The following SRSF4 variants were observed in gnomAD, a reference collection of about 807,000 sequenced individuals.
The protein encoded by SRSF4 is serine and arginine rich splicing factor 4.
SRSF4 carries 12 observed loss-of-function variants against 48.8 expected under a neutral mutation model. The ratio of observed to expected loss-of-function variants is 0.25; its 90% CI spans 0.16 to 0.40. SRSF4 has a LOEUF of 0.40. SRSF4 is among the 10% of genes least tolerant of loss of function. The pLI is 1.00. For missense variants in SRSF4, 466 were observed against 667.1 expected (o/e 0.70, Z 3.32); for synonymous variants, 248 against 232.5 (o/e 1.07, Z -0.61).
intron 1 of SRSF4, among the ~76,000 whole-genome samples, chr1:29,179,854 A>G (rs982766816): frequency 3.3e-5 from 5 of 152,164 alleles, no homozygotes; most frequent in African/African-American, 9.7e-5. Context: ...CCCCCAATTC[A>G]TTTAGCACAG....
intron 1 of SRSF4, chr1:29,171,123 C>A (rs949514830): frequency 6.6e-6 from 1 of 152,142 alleles, no homozygotes; most frequent in African/African-American, 2.4e-5. Context: ...TGTACAAATC[C>A]TTCCTCAGCC....
chr1:29,162,021 A>G (rs773969498), intron 1 of SRSF4, among the ~76,000 whole-genome samples: 4 of 152,250 alleles, frequency 2.6e-5, no homozygotes, highest in Admixed American at 6.5e-5. Flanking sequence ...ACAATGTGCT[A>G]GGTTACAATG....
In SRSF4 at chr1:29,148,479, G is replaced by C; in HGVS notation, c.1416C>G (p.Ser472=). 1 of 1,613,942 alleles carries C rather than the reference G, an allele frequency of 6.2e-7. No homozygotes were observed. Among genetic ancestry groups the C allele is most frequent in the Non-Finnish European group, 8.5e-7 (1 of 1,179,916 alleles). ...SKSASKTRSR[S]KSRSRSASRS... is the part of the protein sequence containing the mutation. ...TGGAAGCAGACCTGGATCTAGACTT[G>C]GACCGAGATCGGGTTTTTGAAGCTG... The change falls in exon 6 of 6, where the codon TCC becomes TCG. Residue 472 remains serine, a synonymous_variant. Coordinates refer to ENST00000373795, the MANE Select transcript of SRSF4 (RefSeq NM_005626.5).
chr1:29,149,197 C>CGGCTCT lies in SRSF4; in HGVS notation c.692_697dup (p.Ser232_Arg233insGlnSer). 1 of 1,609,706 alleles carries CGGCTCT rather than the reference C, an allele frequency of 6.2e-7. No individual in the cohort carries two copies. The highest frequency in any genetic ancestry group is 8.5e-7 in the Non-Finnish European group (1 of 1,179,878). On this transcript the variant is annotated inframe_insertion, in exon 6 of 6. Coordinates refer to ENST00000373795, the MANE Select transcript of SRSF4 (RefSeq NM_005626.5). The stretch of plus-strand genomic sequence containing the variant: ...CCGGCTCCGACTCTGGCTCCGGCTC[C>CGGCTCT]GGCTCTTGCTCCGGGAGCGGGAGCC...
intron 1 of SRSF4, among the ~76,000 whole-genome samples, chr1:29,168,170 A>G (rs960291769): frequency 1.3e-5 from 2 of 150,384 alleles, no homozygotes; most frequent in Non-Finnish European, 3.0e-5. Flanking sequence ...GTGCACCACC[A>G]TGCCCGGCAA....
At chr1:29,154,417 G>C in intron 4 of SRSF4, 1 of 383,554 alleles carries the variant, frequency 2.6e-6, no homozygotes, top group Non-Finnish European at 4.7e-6. Flanking sequence ...GGCTGGTCTT[G>C]AACTCCTGAC....
chr1:29,174,973 G>A (rs995249845), intron 1 of SRSF4, among the ~76,000 whole-genome samples: 2 of 147,054 alleles, frequency 1.4e-5, no homozygotes, highest in East Asian at 4.1e-4. Flanking sequence ...CAACTGGCCG[G>A]TGGGTTTTTT....
At chr1:29,151,983 T>C (rs1308325845) in intron 4 of SRSF4, among the ~76,000 whole-genome samples, 3 of 152,106 alleles carry the variant, frequency 2.0e-5, no homozygotes, top group Non-Finnish European at 4.4e-5. Context: ...AAATACCTAT[T>C]TGAGACAACT....
chr1:29,160,978 CTT>C (rs963837891), intron 1 of SRSF4, among the ~76,000 whole-genome samples: 1 of 152,016 alleles, frequency 6.6e-6, no homozygotes, highest in Non-Finnish European at 1.5e-5. Flanking sequence ...AAGTAAAAAA[CTT>C]TTTTTTAAGG....
Position 29,181,829 on chromosome 1 carries a change from C to G in SRSF4, c.-77G>C. The stretch of plus-strand genomic sequence containing the variant: ...GGCGGGCAAAGCGAGAGCACGGCGG[C>G]AGCGGCGGCGGCGGCAACGGGCGGG... On this transcript the variant is annotated 5_prime_UTR_variant, in exon 1 of 6. Transcript: ENST00000373795. 7.9e-7 allele frequency: 1 copy of G among 1,267,398 alleles called. No homozygotes were observed. Among genetic ancestry groups the G allele is most frequent in the Non-Finnish European group, 1.0e-6 (1 of 977,348 alleles). 78.5% of individuals were successfully genotyped at this position (1,267,398 alleles called of 1,614,324 possible). A position where few individuals can be genotyped will look rare whatever the true frequency, so the allele number is the denominator to read the frequency against.
Position 29,148,546 on chromosome 1 carries a change from G to T in SRSF4, c.1349C>A (p.Ser450Ter). The T allele has an allele frequency of 6.2e-7, 1 of 1,614,106 alleles. No individual in the cohort carries two copies. Among genetic ancestry groups the T allele is most frequent in the Non-Finnish European group, 8.5e-7 (1 of 1,180,028 alleles). ...TGATTCTGATGGAAGGTTTGGTTTC[G>T]ATTTGGAATTGGATCTCGACCTGGA... ...TRSRSRSNSK[S>*]KPNLPSESRS... The change falls in exon 6 of 6, where the codon TCG (serine) becomes TAG (stop). Residue 450 changes from serine (S) to a stop codon, truncating the protein, a stop_gained. Transcript: ENST00000373795. LOFTEE classifies it high-confidence loss of function.
chr1:29,175,612 G>A (rs545230386), intron 1 of SRSF4, among the ~76,000 whole-genome samples: 123 of 135,458 alleles, frequency 9.1e-4, no homozygotes, highest in Non-Finnish European at 1.7e-3. Context: ...GGAGAATGGC[G>A]TGAACCCAGG....
At chr1:29,164,283 T>C (rs1672638870) in intron 1 of SRSF4, among the ~76,000 whole-genome samples, 1 of 152,272 alleles carries the variant, frequency 6.6e-6, no homozygotes, top group Non-Finnish European at 1.5e-5. Flanking sequence ...CAATTTTAGT[T>C]CATTTAAACA....
rs1005028020 is a variant in SRSF4 at position 29,181,836 on chromosome 1, G to A, written c.-84C>T. ...AAAGCGAGAGCACGGCGGCAGCGGC[G>A]GCGGCGGCAACGGGCGGGCGGCGGG... On this transcript the variant is annotated 5_prime_UTR_variant, in exon 1 of 6. Transcript: ENST00000373795. The A allele has an allele frequency of 5.8e-6, 7 of 1,207,742 alleles. No individual in the cohort carries two copies. Among genetic ancestry groups the A allele is most frequent in the South Asian group, 2.1e-5 (1 of 48,688 alleles). 74.8% of individuals were successfully genotyped at this position (1,207,742 alleles called of 1,614,324 possible).
intron 1 of SRSF4, among the ~76,000 whole-genome samples, chr1:29,175,792 A>T (rs1040441601): frequency 4.6e-5 from 7 of 151,926 alleles, no homozygotes; most frequent in African/African-American, 1.7e-4. Context: ...ATACATAAAG[A>T]GAGTTATTCA....
At chr1:29,178,676 C>G (rs147466218) in intron 1 of SRSF4, among the ~76,000 whole-genome samples, 1 of 152,264 alleles carries the variant, frequency 6.6e-6, no homozygotes, top group African/African-American at 2.4e-5. Flanking sequence ...TAATCACAAT[C>G]TAGATATGTT....
At chr1:29,174,403 A>G (rs1672802141) in intron 1 of SRSF4, among the ~76,000 whole-genome samples, 1 of 152,206 alleles carries the variant, frequency 6.6e-6, no homozygotes. Context: ...CAACAGTATT[A>G]TACATGCATA....
At chr1:29,174,502 T>C (rs1672805237) in intron 1 of SRSF4, among the ~76,000 whole-genome samples, 1 of 152,074 alleles carries the variant, frequency 6.6e-6, no homozygotes. Context: ...TGGAGTACTA[T>C]GTAGCCATTA....
chr1:29,162,945 T>C (rs1352653938), intron 1 of SRSF4, among the ~76,000 whole-genome samples: 1 of 152,198 alleles, frequency 6.6e-6, no homozygotes, highest in Non-Finnish European at 1.5e-5. Flanking sequence ...TACATGGTAA[T>C]ACATTCTCCC....
Sources: allele counts gnomAD v4.1 joint callset (sites outside exome capture counted in the v4.1 genomes callset), GRCh38; gene constraint gnomAD v4.1.1; transcripts MANE v1.5; gene names NCBI Gene and HGNC (gene_info 2026-07-23, HGNC 2026-07-21).